The following MALRD1 variants were observed in gnomAD, a reference collection of about 807,000 sequenced individuals.
MALRD1 encodes the protein MAM and LDL receptor class A domain containing 1, also known as MAM and LDL-receptor class A domain-containing protein 1.
A neutral mutation model predicts 242.1 loss-of-function variants in MALRD1; 247 were observed. The ratio of observed to expected loss-of-function variants is 1.02; its 90% confidence interval spans 0.92 to 1.13. The LOEUF (loss-of-function observed/expected upper bound fraction) is 1.13. Among genes scored for constraint, MALRD1 ranks in the 50% most tolerant of loss-of-function variants. MALRD1 has a pLI of 0.00. For synonymous variants in MALRD1, 995 were observed against 866.6 expected, an observed-to-expected ratio of 1.15 and a Z score of -2.60; for missense variants, 2,989 against 2,533.1, an observed-to-expected ratio of 1.18 and a Z score of -3.86.
chr10:19,251,742 G>A (rs909919440), intron 18 of MALRD1, among the ~76,000 whole-genome samples: 1 of 152,104 alleles, frequency 6.6e-6, no homozygotes, highest in East Asian at 1.9e-4. Flanking sequence ...GATATGGTTT[G>A]ACTCTATGTC....
chr10:19,553,450 A>C (rs1464229615), intron 32 of MALRD1, among the ~76,000 whole-genome samples: 1 of 152,142 alleles, frequency 6.6e-6, no homozygotes, highest in South Asian at 2.1e-4. Flanking sequence ...TACATCATTA[A>C]AAAAATCCAT....
rs1177933215 is a variant in MALRD1, at chr10:19,584,030, C to T, written c.5681-11164C>T. On this transcript the variant is annotated intron_variant, in intron 33 of 39. Coordinates refer to ENST00000454679, the MANE Select transcript of MALRD1 (RefSeq NM_001142308.3). ...TTTGTGTAGAGGCGTTTGTAGTATT[C>T]TCTGATGGTAGTTTTTATATCTGTG... Among the ~76,000 whole-genome samples the T allele has an allele frequency of 7.9e-5, 12 of 150,984 alleles. No individual in the cohort carries two copies. In the East Asian group the frequency reaches 2.2e-3, roughly 27 times the overall value.
intron 14 of MALRD1, among the ~76,000 whole-genome samples, chr10:19,186,790 C>T (rs1418667546): frequency 6.6e-6 from 1 of 151,904 alleles, no homozygotes; most frequent in Admixed American, 6.6e-5. Flanking sequence ...CTTTTTGTTG[C>T]TTATCTGCTG....
chr10:19,189,259 A>G (rs1835873002), intron 14 of MALRD1, among the ~76,000 whole-genome samples: 1 of 152,160 alleles, frequency 6.6e-6, no homozygotes, highest in Non-Finnish European at 1.5e-5. Flanking sequence ...ATTAAAGCAC[A>G]AAGAAACAGA....
At chr10:19,603,196 A>C (rs1418826883) in intron 34 of MALRD1, among the ~76,000 whole-genome samples, 1 of 152,008 alleles carries the variant, frequency 6.6e-6, no homozygotes, top group Non-Finnish European at 1.5e-5. Flanking sequence ...TCTTTAGTTT[A>C]ATTAGATCTC....
At chr10:19,323,173 A>G (rs1842974842) in intron 21 of MALRD1, among the ~76,000 whole-genome samples, 1 of 152,192 alleles carries the variant, frequency 6.6e-6, no homozygotes, top group African/African-American at 2.4e-5. Flanking sequence ...AAATCAATAT[A>G]GAGAGAGTAA....
At chr10:19,481,642 A>G (rs1299579462) in intron 29 of MALRD1, among the ~76,000 whole-genome samples, 1 of 152,112 alleles carries the variant, frequency 6.6e-6, no homozygotes, top group African/African-American at 2.4e-5. Context: ...TTCTAGTCAT[A>G]TTTATTTGTA....
At chr10:19,338,273 A>G (rs974818109) in intron 24 of MALRD1, among the ~76,000 whole-genome samples, 1 of 152,088 alleles carries the variant, frequency 6.6e-6, no homozygotes, top group Admixed American at 6.6e-5. Context: ...CGACTACCAT[A>G]GTATCCTTAC....
intron 36 of MALRD1, among the ~76,000 whole-genome samples, chr10:19,654,372 G>T (rs1841043468): frequency 6.6e-6 from 1 of 152,144 alleles, no homozygotes; most frequent in Non-Finnish European, 1.5e-5. Flanking sequence ...AAGCCTGTAT[G>T]TAAATGTCTG....
At chr10:19,053,830 A>G (rs976472938) in intron 1 of MALRD1, among the ~76,000 whole-genome samples, 6 of 152,114 alleles carry the variant, frequency 3.9e-5, no homozygotes, top group Non-Finnish European at 5.9e-5. Flanking sequence ...AAAAAAGAAA[A>G]TAAGTTCTTA....
chr10:19,498,512 G>A lies in MALRD1; in HGVS notation c.5186G>A (p.Cys1729Tyr). The A allele has an allele frequency of 6.5e-7, 1 of 1,550,230 alleles. No homozygotes were observed. Among genetic ancestry groups the A allele is most frequent in the Non-Finnish European group, 8.7e-7 (1 of 1,146,754 alleles). Residue 1729 changes from cysteine (C) to tyrosine (Y), a missense_variant, in exon 31 of 40, where the codon TGC (cysteine) becomes TAC (tyrosine). Physicochemically the swap from Cys to Tyr is radical, Grantham distance 194 (BLOSUM62 -2). Coordinates refer to ENST00000454679, the MANE Select transcript of MALRD1 (RefSeq NM_001142308.3). Reference protein sequence around the residue: ...CAHYTSTTGSCNFETSSGNWT... With the variant: ...CAHYTSTTGSYNFETSSGNWT... ...CATTATACAAGCACAACAGGAAGCT[G>A]CAATTTTGAAACAAGTTCAGGAAAC...
chr10:19,063,010 T>A (rs1430470850), intron 1 of MALRD1, among the ~76,000 whole-genome samples: 2 of 151,946 alleles, frequency 1.3e-5, no homozygotes, highest in Non-Finnish European at 2.9e-5. Flanking sequence ...CCAGGTGTGG[T>A]CTTGTGCACC....
At chr10:19,489,057 G>C (rs1361756207) in intron 29 of MALRD1, 1 of 458,104 alleles carries the variant, frequency 2.2e-6, no homozygotes, top group African/African-American at 2.0e-5. Flanking sequence ...TGGAGGGGCG[G>C]CAGCGCCAGG....
chr10:19,276,211 G>A (rs959916352), intron 19 of MALRD1, among the ~76,000 whole-genome samples: 2 of 151,996 alleles, frequency 1.3e-5, no homozygotes, highest in Admixed American at 6.6e-5. Flanking sequence ...TTGAAACTTT[G>A]ACAAAATACG....
chr10:19,672,477 G>A (rs889247321), intron 36 of MALRD1, among the ~76,000 whole-genome samples: 3 of 148,322 alleles, frequency 2.0e-5, no homozygotes, highest in Non-Finnish European at 3.0e-5. Context: ...AGGCTGGAGT[G>A]CAGTGGCAAC....
chr10:19,700,024 A>C (rs1177120460), intron 38 of MALRD1, among the ~76,000 whole-genome samples: 4 of 43,872 alleles, frequency 9.1e-5, no homozygotes, highest in Non-Finnish European at 1.6e-4. Context: ...TGATTTAGAC[A>C]CACACACACA....
chr10:19,474,605 A>T (rs1349988863), intron 29 of MALRD1, among the ~76,000 whole-genome samples: 1 of 152,080 alleles, frequency 6.6e-6, no homozygotes, highest in Non-Finnish European at 1.5e-5. Context: ...GTAAGTTATC[A>T]ATTTTAATAA....
At chr10:19,455,639 T>C (rs1044522416) in intron 29 of MALRD1, among the ~76,000 whole-genome samples, 3 of 152,198 alleles carry the variant, frequency 2.0e-5, no homozygotes, top group African/African-American at 7.2e-5. Context: ...CATCTGAATA[T>C]TCACTGGCCA....
intron 38 of MALRD1, among the ~76,000 whole-genome samples, chr10:19,693,325 C>A (rs1007129459): frequency 2.6e-5 from 4 of 151,836 alleles, no homozygotes; most frequent in African/African-American, 7.3e-5. Flanking sequence ...TCTAGAAAAC[C>A]CCATCGTCTC....
Sources: allele counts gnomAD v4.1 joint callset (sites outside exome capture counted in the v4.1 genomes callset), GRCh38; gene constraint gnomAD v4.1.1; transcripts MANE v1.5; gene names NCBI Gene and HGNC (gene_info 2026-07-23, HGNC 2026-07-21).